Variants in ESPL1 observed in about 807,000 individuals in gnomAD.
ESPL1 encodes separin.
Under a neutral mutation model 217.2 loss-of-function variants are expected in ESPL1, and 50 were observed. That is an observed-to-expected ratio of 0.23 (90% CI 0.18 to 0.29). ESPL1 has a LOEUF of 0.29. Ranked by LOEUF, ESPL1 falls within the 10% of genes least tolerant of loss-of-function variation. ESPL1 has a pLI of 1.00. For missense variants in ESPL1, 1,834 were observed against 2,603.0 expected, an observed-to-expected ratio of 0.70 and a Z score of 6.43; for synonymous variants, 994 against 1,081.3, an observed-to-expected ratio of 0.92 and a Z score of 1.58.
intron 17 of ESPL1, among the ~76,000 whole-genome samples, chr12:53,285,191 C>T (rs1466494367): frequency 6.6e-6 from 1 of 152,156 alleles, no homozygotes; most frequent in Non-Finnish European, 1.5e-5. Context: ...ATTGATGGCA[C>T]ATTTTGTCTC....
At chr12:53,272,922 G>T in intron 6 of ESPL1, 65 bp downstream of exon 6, 4 of 1,572,004 alleles carry the variant, frequency 2.5e-6, no homozygotes, top group Non-Finnish European at 3.5e-6. Context: ...GAGCGGGGAA[G>T]GGCCTCACCA....
Position 53,274,878 on chromosome 12 carries a change from G to A in ESPL1, c.1568G>A (p.Gly523Asp). 1 of 1,614,090 alleles carries A rather than the reference G, an allele frequency of 6.2e-7. No individual in the cohort carries two copies. The highest frequency in any genetic ancestry group is 8.5e-7 in the Non-Finnish European group (1 of 1,179,978). ...SLKKLGKQAQ[G>D]CKMVILWLAA... ...AAGAAACTGGGTAAACAGGCCCAGG[G>A]CTGCAAGATGGTGATTTTGTGGCTG... The change falls in exon 7 of 31, where the codon GGC becomes GAC. Residue 523 changes from glycine (G) to aspartate (D), a missense_variant. This residue lies in a region of ESPL1 where 746 missense variants were observed against 1,077.0 expected (regional missense o/e 0.69). Coordinates refer to ENST00000257934, the MANE Select transcript of ESPL1 (RefSeq NM_012291.5).
intron 24 of ESPL1, 150 bp from the exon 25 acceptor site, chr12:53,290,691 C>T: frequency 2.8e-4 from 1 of 3,532 alleles, no homozygotes; most frequent in Non-Finnish European, 6.5e-4. Flanking sequence ...AAAAAAACGA[C>T]TTAAACCCAA....
At chr12:53,285,896 T>C in intron 17 of ESPL1, 28 bp from the exon 18 acceptor site, 2 of 1,506,026 alleles carry the variant, frequency 1.3e-6, no homozygotes, top group Non-Finnish European at 1.8e-6. Context: ...CTCCCCGTTT[T>C]GTAATTCTTG....
rs1110719 is a variant in ESPL1, at chr12:53,288,099, A to C, written c.4304A>C (p.Lys1435Thr). The change falls in exon 19 of 31, where the codon AAG becomes ACG. Residue 1435 changes from lysine to threonine, a missense_variant. Coordinates refer to ENST00000257934, the MANE Select transcript of ESPL1 (RefSeq NM_012291.5). ...CGAGCAAGGAAGGGCCTGAGCCTAA[A>C]GACGGATGCCGTGGTTGCCCCAGGT... ...RGRARKGLSL[K>T]TDAVVAPGSA... The C allele has an allele frequency of 6.2e-7, 1 of 1,613,694 alleles. No individual in the cohort carries two copies. Among genetic ancestry groups the C allele is most frequent in the Non-Finnish European group, 8.5e-7 (1 of 1,180,016 alleles).
intron 6 of ESPL1, 64 bp downstream of exon 6, chr12:53,272,921 A>T: frequency 1.3e-6 from 2 of 1,578,556 alleles, no homozygotes; most frequent in Non-Finnish European, 1.7e-6. Flanking sequence ...GGAGCGGGGA[A>T]GGGCCTCACC....
At chr12:53,281,228 CTCGGGTTCAAGTGA>C (rs1041529173) in intron 12 of ESPL1, among the ~76,000 whole-genome samples, 1 of 146,180 alleles carries the variant, frequency 6.8e-6, no homozygotes, top group Admixed American at 7.0e-5. Context: ...ACCTCTGCCT[CTCGGGTTCAAGTGA>C]TTCTCATGCC....
At chr12:53,277,339 G>T in intron 9 of ESPL1, 112 bp downstream of exon 9, 1 of 1,469,620 alleles carries the variant, frequency 6.8e-7, no homozygotes, top group Non-Finnish European at 9.2e-7. Flanking sequence ...TTAGAGATGG[G>T]GTCTCTCTGT....
At position 53,269,251 on chromosome 12, in the gene ESPL1, C is replaced by G; in HGVS notation, c.309C>G (p.Val103=). ...TCTACCTGGAACGAATTCTCTTTGT[C>G]TTACTGCGGAATGCTGCTGCACAAG... ...PPLYLERILF[V]LLRNAAAQGS... Residue 103 remains valine (V), a synonymous_variant, in exon 3 of 31, where the codon GTC becomes GTG. Coordinates refer to ENST00000257934, the MANE Select transcript of ESPL1 (RefSeq NM_012291.5). The surrounding 1 kb of genome is among the most constrained non-coding windows in gnomAD (Gnocchi z 6.7). 1 of 1,614,216 alleles carries G rather than the reference C, an allele frequency of 6.2e-7. No individual in the cohort carries two copies. Among genetic ancestry groups the G allele is most frequent in the Non-Finnish European group, 8.5e-7 (1 of 1,180,028 alleles).
intron 25 of ESPL1, among the ~76,000 whole-genome samples, 175 bp from the exon 26 acceptor site, chr12:53,291,515 T>C (rs1809239): frequency 0.96 from 145,038 of 151,094 alleles, 69,840 homozygotes; most frequent in Non-Finnish European, 1. Flanking sequence ...CGCTTGAACC[T>C]GGGAGGTGGA....
chr12:53,289,346 G>C lies in ESPL1; in HGVS notation c.4922+43G>C, dbSNP rs1309127807. The C allele has an allele frequency of 3.7e-6, 6 of 1,610,768 alleles. No homozygotes were observed. The East Asian group carries it at 6.7e-5, about 18-fold the overall frequency. ...CCAAGACTCCTGCTGGGGCAGACTA[G>C]AGAGAAGGTCCAGACTTTGAAGGAA... On this transcript the variant is annotated intron_variant, in intron 21 of 30. Transcript: ENST00000257934.
chr12:53,290,762 C>A lies in ESPL1; in HGVS notation c.5365-79C>A, dbSNP rs1246496460. The A allele has an allele frequency of 1.9e-5, 9 of 479,150 alleles. No individual in the cohort carries two copies. The East Asian group carries it at 2.1e-3, about 112-fold the overall frequency. The allele number at this position is 479,150 out of a possible 1,614,324, so 29.7% of individuals were successfully genotyped here. ...ACATGCACATTGGAAAACGCATTTTCTCATCTCCAAAATGTCAGTGCCTGT... is the reference window on the plus strand; with the variant it reads ...ACATGCACATTGGAAAACGCATTTTATCATCTCCAAAATGTCAGTGCCTGT... On this transcript the variant is annotated intron_variant, in intron 24 of 30. Coordinates refer to ENST00000257934, the MANE Select transcript of ESPL1 (RefSeq NM_012291.5).
Position 53,288,708 on chromosome 12 carries a change from G to A in ESPL1, c.4708+9G>A. On this transcript the variant is annotated intron_variant, in intron 20 of 30. Transcript: ENST00000257934. ...AGCCCCCGTAGCCACTGGTGAATAT[G>A]CGACCCCTGATGTTGGTCACTTGGA... The A allele has an allele frequency of 6.2e-7, 1 of 1,606,074 alleles. No homozygotes were observed. Among genetic ancestry groups the A allele is most frequent in the Non-Finnish European group, 8.5e-7 (1 of 1,177,064 alleles).
At chr12:53,290,252 G>A (rs773549668) in intron 23 of ESPL1, 40 bp downstream of exon 23, 1 of 1,612,210 alleles carries the variant, frequency 6.2e-7, no homozygotes, top group Non-Finnish European at 8.5e-7. Flanking sequence ...GGGCTGGATT[G>A]GGCTTCGGGT....
At chr12:53,270,976 A>G (rs1205612297) in intron 5 of ESPL1, among the ~76,000 whole-genome samples, 178 bp downstream of exon 5, 1 of 152,210 alleles carries the variant, frequency 6.6e-6, no homozygotes, top group Non-Finnish European at 1.5e-5. Flanking sequence ...TAGAGAAGTG[A>G]TGAAGCTAAC....
At chr12:53,276,311 C>A (rs568041408) in intron 7 of ESPL1, among the ~76,000 whole-genome samples, 1 of 152,190 alleles carries the variant, frequency 6.6e-6, no homozygotes, top group South Asian at 2.1e-4. Flanking sequence ...TTGAGAAAGC[C>A]GGCATGCTGG....
rs1943830691 is a variant in ESPL1, at chr12:53,279,766, G to A, written c.2399G>A (p.Arg800Gln). The change falls in exon 12 of 31, where the codon CGG becomes CAG. Residue 800 changes from arginine (R) to glutamine (Q), a missense_variant. Transcript: ENST00000257934. ...GCTCTGGAGGTCCTCCTGCTGCTAC[G>A]GATTGTCTCTGAGAGACTGAAGGAC... ...MQALEVLLLL[R>Q]IVSERLKDHS... The A allele has an allele frequency of 9.9e-6, 16 of 1,614,096 alleles. No homozygotes were observed. The highest frequency in any genetic ancestry group is 4.5e-5 in the East Asian group (2 of 44,878).
chr12:53,277,140 G>T lies in ESPL1; in HGVS notation c.1998G>T (p.Glu666Asp). The T allele has an allele frequency of 6.2e-7, 1 of 1,614,186 alleles. No individual in the cohort carries two copies. Among genetic ancestry groups the T allele is most frequent in the Non-Finnish European group, 8.5e-7 (1 of 1,179,998 alleles). ...ALQLLDSVRP[E>D]AQARDQLLDD... Reference sequence around the variant, plus strand: ...AGCTTCTGGACTCTGTGAGGCCTGAGGCCCAGGCCAGAGATCAGCTTCTGG... The same window carrying T: ...AGCTTCTGGACTCTGTGAGGCCTGATGCCCAGGCCAGAGATCAGCTTCTGG... The change falls in exon 9 of 31, where the codon GAG becomes GAT. Residue 666 changes from glutamate to aspartate, a missense_variant. This residue lies in a region of ESPL1 where 746 missense variants were observed against 1,077.0 expected (regional missense o/e 0.69). Coordinates refer to ENST00000257934, the MANE Select transcript of ESPL1 (RefSeq NM_012291.5).
chr12:53,276,895 CT>C, intron 8 of ESPL1, 36 bp downstream of exon 8: 2 of 1,605,020 alleles, frequency 1.2e-6, no homozygotes. Context: ...ACTCTTGCTC[CT>C]TGCCCTAGGT....
Sources: gnomAD v4.1 joint callset for allele counts (sites outside exome capture counted in the v4.1 genomes callset) on GRCh38, gnomAD v4.1.1 for gene constraint, gnomAD v4.1.1 regional missense constraint, Gnocchi (gnomAD v3.1) non-coding constraint, MANE v1.5 for transcripts, NCBI Gene and HGNC (gene_info 2026-07-23, HGNC 2026-07-21) for gene names.